SEM1: variants seen among roughly 807,000 people sequenced by gnomAD.
The protein encoded by SEM1 is 26S proteasome complex subunit SEM1.
In SEM1, 3 loss-of-function variants were observed where a neutral mutation model predicts 12.7. The observed-to-expected ratio is 0.24, with a 90% confidence interval of 0.11 to 0.61. SEM1 has a LOEUF of 0.61. SEM1 is among the 20% of genes least tolerant of loss of function. The pLI is 0.88. For synonymous variants in SEM1, 30 were observed against 27.8 expected (o/e 1.08, Z -0.25); for missense variants, 59 against 81.3 (o/e 0.73, Z 1.06).
intron 2 of SEM1, among the ~76,000 whole-genome samples, chr7:96,585,822 C>T (rs550336300): frequency 2.0e-5 from 3 of 152,268 alleles, no homozygotes; most frequent in South Asian, 2.1e-4. Flanking sequence ...CGCCCTGCTT[C>T]GGCTTGCACA....
intron 2 of SEM1, among the ~76,000 whole-genome samples, chr7:96,514,339 A>T (rs568291605): frequency 5.9e-5 from 9 of 152,242 alleles, no homozygotes; most frequent in African/African-American, 2.2e-4. Flanking sequence ...CAGGCTCCCG[A>T]TTAGCTATGA....
chr7:96,596,775 T>C (rs1247410437), intron 2 of SEM1, among the ~76,000 whole-genome samples: 1 of 152,216 alleles, frequency 6.6e-6, no homozygotes, highest in African/African-American at 2.4e-5. Context: ...TCTCTCTTTT[T>C]TGTCTTTGTC....
Position 96,586,604 on chromosome 7 carries a change from C to T in SEM1, c.171-79906G>A, listed in dbSNP as rs553028751. 3.9e-5 allele frequency among the ~76,000 whole-genome samples: 6 copies of T among 152,258 alleles called. No homozygotes were observed. In the South Asian group the frequency reaches 1.2e-3, roughly 32 times the overall value. ...GTCAGAGATGTGGTATTCATTTAAT[C>T]TCTATTCTCCAAAAACCACTTTAGT... is the stretch of plus-strand genomic sequence containing the variant. On this transcript the variant is annotated intron_variant and NMD_transcript_variant, in intron 2 of 3. Transcript: ENST00000466986.
intron 2 of SEM1, among the ~76,000 whole-genome samples, chr7:96,521,769 G>A (rs1804279371): frequency 6.6e-6 from 1 of 152,110 alleles, no homozygotes. Flanking sequence ...CCAAAATGGA[G>A]GCGTCCCTGG....
intron 2 of SEM1, among the ~76,000 whole-genome samples, chr7:96,654,239 T>TACA (rs1809099479): frequency 6.6e-6 from 1 of 152,226 alleles, no homozygotes; most frequent in South Asian, 2.1e-4. Flanking sequence ...CACTTAATTC[T>TACA]ACAACATGAG....
rs1808549367 is a variant in SEM1 at position 96,640,211 on chromosome 7, A to T, written c.171-17568T>A. ...ACTCTTACCATGGGATCCAGAAATT[A>T]TATGCCTTGGTATTTACTCAAAGGA... On this transcript the variant is annotated intron_variant, in intron 2 of 2. Coordinates refer to the SEM1 transcript ENST00000417009. This position sits in a 1 kb window ranked among gnomAD's most constrained non-coding sequence, Gnocchi z 4.0. Among the ~76,000 whole-genome samples the T allele has an allele frequency of 6.6e-6, 1 of 151,982 alleles. No homozygotes were observed. The highest frequency in any genetic ancestry group is 2.1e-4 in the South Asian group (1 of 4,834).
intron 2 of SEM1, among the ~76,000 whole-genome samples, chr7:96,675,154 T>C (rs1217968855): frequency 2.0e-5 from 3 of 151,940 alleles, no homozygotes; most frequent in Non-Finnish European, 4.4e-5. Context: ...GTTGCATTTC[T>C]ATCTTGGAGA....
intron 2 of SEM1, among the ~76,000 whole-genome samples, chr7:96,608,970 G>A (rs190876230): frequency 6.6e-6 from 1 of 152,306 alleles, no homozygotes; most frequent in Non-Finnish European, 1.5e-5. Flanking sequence ...ATGGTAAACA[G>A]AAATTGTATA....
intron 2 of SEM1, among the ~76,000 whole-genome samples, chr7:96,659,755 T>C (rs1163232837): frequency 6.6e-6 from 1 of 151,400 alleles, no homozygotes; most frequent in East Asian, 1.9e-4. Flanking sequence ...ATTTCAAGGG[T>C]GATCACTAAA....
chr7:96,552,822 G>C (rs1214315420), intron 2 of SEM1, among the ~76,000 whole-genome samples: 10 of 151,550 alleles, frequency 6.6e-5, no homozygotes, highest in Non-Finnish European at 1.2e-4. Context: ...CAGTATAAAA[G>C]TGTTCCTATT....
intron 2 of SEM1, among the ~76,000 whole-genome samples, chr7:96,624,359 T>A (rs1193449607): frequency 6.6e-6 from 1 of 152,168 alleles, no homozygotes; most frequent in Admixed American, 6.5e-5. Flanking sequence ...CAAGTTTAAG[T>A]TCCTCATTTT....
chr7:96,709,608 G>A (rs917178039), intron 1 of SEM1, 80 bp downstream of exon 1: 83 of 1,379,674 alleles, frequency 6.0e-5, no homozygotes, highest in Non-Finnish European at 8.2e-5. Context: ...CCCCCAGCTG[G>A]GCCCGAGCAC....
At chr7:96,629,325 C>T (rs977030956) in intron 2 of SEM1, among the ~76,000 whole-genome samples, 16 of 151,834 alleles carry the variant, frequency 1.1e-4, no homozygotes, top group African/African-American at 1.7e-4. Context: ...TGCTTCATTG[C>T]TTTTTTATTC....
chr7:96,684,136 C>T (rs749683278), downstream of SEM1, among the ~76,000 whole-genome samples: 12 of 152,112 alleles, frequency 7.9e-5, no homozygotes, highest in Admixed American at 5.9e-4. Context: ...TTCTAATCTT[C>T]ACCCTCAAAC....
At chr7:96,514,297 G>A (rs895159700) in intron 2 of SEM1, among the ~76,000 whole-genome samples, 3 of 151,926 alleles carry the variant, frequency 2.0e-5, no homozygotes, top group Admixed American at 6.6e-5. Flanking sequence ...CAGGATAGCC[G>A]TGAACTCCTG....
At chr7:96,617,068 T>C (rs1002150876) in intron 2 of SEM1, among the ~76,000 whole-genome samples, 1 of 152,188 alleles carries the variant, frequency 6.6e-6, no homozygotes, top group Admixed American at 6.5e-5. Flanking sequence ...GGATGTTTTT[T>C]CTAATTCTCT....
At chr7:96,496,343 T>A, upstream of SEM1, 2 of 1,408,048 alleles carry the variant, frequency 1.4e-6, no homozygotes, top group Non-Finnish European at 9.6e-7. Flanking sequence ...TTTGTTTCTC[T>A]GTGTGAAATA....
At chr7:96,649,444 A>T (rs1450804161) in intron 2 of SEM1, 2 of 152,102 alleles carry the variant, frequency 1.3e-5, no homozygotes, top group East Asian at 3.9e-4. Context: ...AATTAAGATA[A>T]TTTTTCTGAG....
At chr7:96,565,066 C>T (rs1449385180) in intron 2 of SEM1, among the ~76,000 whole-genome samples, 1 of 151,904 alleles carries the variant, frequency 6.6e-6, no homozygotes, top group Non-Finnish European at 1.5e-5. Context: ...GTCCTCCATT[C>T]CTCTCCCTAT....
Sources: gnomAD v4.1 joint callset for allele counts (sites outside exome capture counted in the v4.1 genomes callset) on GRCh38, gnomAD v4.1.1 for gene constraint, Gnocchi (gnomAD v3.1) non-coding constraint, MANE v1.5 for transcripts, NCBI Gene and HGNC (gene_info 2026-07-23, HGNC 2026-07-21) for gene names.